Variants in CDC14B observed in about 807,000 individuals in gnomAD.
CDC14B encodes dual specificity protein phosphatase CDC14B.
A neutral mutation model predicts 64.2 loss-of-function variants in CDC14B; 22 were observed. The observed-to-expected ratio is 0.34, with a 90% CI of 0.24 to 0.49. CDC14B has a LOEUF of 0.49. Ranked by LOEUF, CDC14B falls within the 20% of genes least tolerant of loss-of-function variation. CDC14B has a pLI of 0.99. For missense variants in CDC14B, 498 were observed against 629.9 expected (o/e 0.79, Z 2.24); for synonymous variants, 191 against 215.8 (o/e 0.89, Z 1.01).
intron 1 of CDC14B, among the ~76,000 whole-genome samples, chr9:96,605,342 A>C (rs974711555): frequency 5.3e-5 from 8 of 152,060 alleles, no homozygotes; most frequent in Admixed American, 6.6e-5. Flanking sequence ...CTGTCATAGG[A>C]CTTGAAAATG....
chr9:96,596,060 AAAAAG>A (rs759784799), intron 1 of CDC14B, among the ~76,000 whole-genome samples: 82 of 152,272 alleles, frequency 5.4e-4, no homozygotes, highest in East Asian at 3.9e-4. Context: ...GCTGTTATTT[AAAAAG>A]AAAAGAAAAG....
At position 96,585,786 on chromosome 9, in the gene CDC14B, G is replaced by A. The variant is rs569555914; in HGVS notation, c.161-20303C>T. Among the ~76,000 whole-genome samples the A allele has an allele frequency of 1.2e-4, 19 of 152,314 alleles. No homozygotes were observed. The South Asian group carries it at 3.7e-3, about 30-fold the overall frequency. ...ATATATCTAAGGCAAATTAGTATGT[G>A]TGTCTACAAAAAGATTTGCAGATGA... On this transcript the variant is annotated intron_variant, in intron 1 of 13. Coordinates refer to ENST00000375241, the MANE Select transcript of CDC14B (RefSeq NM_033331.4).
At position 96,575,755 on chromosome 9, in the gene CDC14B, C is replaced by T. The variant is rs16911319; in HGVS notation, c.161-10272G>A. 4.6e-5 allele frequency among the ~76,000 whole-genome samples: 7 copies of T among 152,222 alleles called. No individual in the cohort carries two copies. In the East Asian group the frequency reaches 1.4e-3, roughly 29 times the overall value. On this transcript the variant is annotated intron_variant, in intron 1 of 13. Coordinates refer to ENST00000375241, the MANE Select transcript of CDC14B (RefSeq NM_033331.4). ...ATCCCAGCATTTTGGGAGGCTAAGG[C>T]AAGAGGATCCCCTGAATGCAGGAGT...
Position 96,502,424 on chromosome 9 carries a change from A to G in CDC14B, c.*1329T>C, listed in dbSNP as rs1475195964. 1 of 158,270 alleles carries G rather than the reference A, an allele frequency of 6.3e-6. No homozygotes were observed. The highest frequency in any genetic ancestry group is 1.4e-5 in the Non-Finnish European group (1 of 72,268). 9.8% of individuals were successfully genotyped at this position (158,270 alleles called of 1,614,324 possible). A position where few individuals can be genotyped will look rare whatever the true frequency, so the allele number is the denominator to read the frequency against. On this transcript the variant is annotated 3_prime_UTR_variant, in exon 14 of 14. Coordinates refer to ENST00000375241, the MANE Select transcript of CDC14B (RefSeq NM_033331.4). ...CTTCTTAAAATGGAGTTGCCTACTA[A>G]TCTGGCGCACGCCTTGTGGCTTAGG...
At chr9:96,566,072 G>T (rs943619949) in intron 1 of CDC14B, among the ~76,000 whole-genome samples, 1 of 21,980 alleles carries the variant, frequency 4.5e-5, no homozygotes, top group African/African-American at 2.2e-3. Flanking sequence ...CAGAAGCAAT[G>T]AGGTTTCTGC....
intron 7 of CDC14B, among the ~76,000 whole-genome samples, chr9:96,536,475 G>A (rs1839284958): frequency 6.6e-6 from 1 of 152,216 alleles, no homozygotes; most frequent in African/African-American, 2.4e-5. Flanking sequence ...GCTATATTCT[G>A]TAAGTTTAAG....
chr9:96,615,064 C>T (rs1487559233), intron 1 of CDC14B, among the ~76,000 whole-genome samples: 1 of 152,208 alleles, frequency 6.6e-6, no homozygotes, highest in Non-Finnish European at 1.5e-5. Flanking sequence ...TGGGCTCGAA[C>T]TCCTGACCTC....
chr9:96,523,254 T>C lies in CDC14B; in HGVS notation c.1245+7A>G, dbSNP rs2131548985. The C allele has an allele frequency of 6.2e-7, 1 of 1,613,782 alleles. No individual in the cohort carries two copies. Among genetic ancestry groups the C allele is most frequent in the Non-Finnish European group, 8.5e-7 (1 of 1,179,808 alleles). ...TAACAACATCGCAACAGAAACGGCT[T>C]GATTACCGGTTCGGGTTCTTGCTGA... is the stretch of plus-strand genomic sequence containing the variant. On this transcript the variant is annotated splice_region_variant and intron_variant, in intron 11 of 13. Transcript: ENST00000375241.
At position 96,503,241 on chromosome 9, in the gene CDC14B, C is replaced by G; in HGVS notation, c.*512G>C. ...GTACTTAACAGAGTTAACATTACAACAGTATTACAAATAGTCAAGTGAAGA... is the reference window on the plus strand; with the variant it reads ...GTACTTAACAGAGTTAACATTACAAGAGTATTACAAATAGTCAAGTGAAGA... On this transcript the variant is annotated 3_prime_UTR_variant, in exon 14 of 14. Transcript: ENST00000375241. 1 of 236,090 alleles carries G rather than the reference C, an allele frequency of 4.2e-6. No homozygotes were observed. Among genetic ancestry groups the G allele is most frequent in the Admixed American group, 5.6e-5 (1 of 17,918 alleles). 14.6% of individuals were successfully genotyped at this position (236,090 alleles called of 1,614,324 possible). A position where few individuals can be genotyped will look rare whatever the true frequency, so the allele number is the denominator to read the frequency against.
At chr9:96,618,717 C>A (rs1847795231) in intron 1 of CDC14B, 1 of 417,760 alleles carries the variant, frequency 2.4e-6, no homozygotes, top group African/African-American at 2.0e-5. Context: ...CGCCCAGGGT[C>A]CCAAGGCTAC....
At chr9:96,497,253 C>A (rs1252638586), downstream of CDC14B, among the ~76,000 whole-genome samples, 1 of 152,198 alleles carries the variant, frequency 6.6e-6, no homozygotes, top group Admixed American at 6.5e-5. Context: ...CAAAGCCATG[C>A]AGACTTGCTG....
chr9:96,533,777 T>C (rs956243560), intron 9 of CDC14B, 150 bp downstream of exon 9: 3 of 554,016 alleles, frequency 5.4e-6, no homozygotes, highest in African/African-American at 1.9e-5. Context: ...TAAGTTACTA[T>C]ACTTTTCATC....
chr9:96,562,520 T>C (rs1343819079), intron 4 of CDC14B, 173 bp downstream of exon 4: 6 of 604,076 alleles, frequency 9.9e-6, no homozygotes, highest in African/African-American at 5.6e-5. Context: ...CTCATCTACC[T>C]GCTACTTCCA....
chr9:96,551,767 T>C, intron 5 of CDC14B, 29 bp downstream of exon 5: 34 of 1,598,546 alleles, frequency 2.1e-5, no homozygotes, highest in Non-Finnish European at 2.8e-5. Flanking sequence ...TCTGATTACC[T>C]GAATCTACCA....
chr9:96,544,638 G>A (rs931436642), intron 5 of CDC14B, among the ~76,000 whole-genome samples: 7 of 152,044 alleles, frequency 4.6e-5, no homozygotes, highest in African/African-American at 1.7e-4. Context: ...GGGACCAAAG[G>A]TGCACACCAC....
At chr9:96,575,996 C>T (rs570640437) in intron 1 of CDC14B, among the ~76,000 whole-genome samples, 1 of 152,388 alleles carries the variant, frequency 6.6e-6, no homozygotes, top group Non-Finnish European at 1.5e-5. Context: ...AATTCACAGG[C>T]TGGGCTTGGC....
chr9:96,552,882 C>A (rs1842006825), intron 4 of CDC14B, among the ~76,000 whole-genome samples: 1 of 151,880 alleles, frequency 6.6e-6, no homozygotes, highest in African/African-American at 2.4e-5. Context: ...AGGTTGAACT[C>A]CAAAGATTAC....
chr9:96,560,138 T>A (rs997406494), intron 4 of CDC14B, among the ~76,000 whole-genome samples: 1 of 152,200 alleles, frequency 6.6e-6, no homozygotes, highest in African/African-American at 2.4e-5. Flanking sequence ...AGAGAGGTTC[T>A]TCACGCTGTA....
intron 1 of CDC14B, among the ~76,000 whole-genome samples, chr9:96,590,839 C>T (rs1375512315): frequency 6.6e-6 from 1 of 152,172 alleles, no homozygotes; most frequent in Non-Finnish European, 1.5e-5. Context: ...GCTGGGCCTA[C>T]ATACAGGTGC....
Sources: allele counts gnomAD v4.1 joint callset (sites outside exome capture counted in the v4.1 genomes callset), GRCh38; gene constraint gnomAD v4.1.1; transcripts MANE v1.5; gene names NCBI Gene and HGNC (gene_info 2026-07-23, HGNC 2026-07-21).